Variants in CIMIP2C observed in about 807,000 individuals in gnomAD.
CIMIP2C encodes the protein UPF0573 protein C2orf70.
chr2:26,564,210 T>C, the CIMIP2C span, among the ~76,000 whole-genome samples: 4 of 152,216 alleles, frequency 2.6e-5, no homozygotes, highest in Admixed American at 6.5e-5. Flanking sequence ...ATTTTATACA[T>C]TGACTTTTTT....
the CIMIP2C span, among the ~76,000 whole-genome samples, chr2:26,568,268 C>T: frequency 6.6e-6 from 1 of 152,232 alleles, no homozygotes; most frequent in Non-Finnish European, 1.5e-5. Flanking sequence ...GGGCCTCACA[C>T]ACTTAGGGAG....
the CIMIP2C span, among the ~76,000 whole-genome samples, chr2:26,577,198 C>T: frequency 6.6e-6 from 1 of 152,200 alleles, no homozygotes; most frequent in Non-Finnish European, 1.5e-5. Context: ...CCTGTGTGCA[C>T]AGCAGGTGTG....
the CIMIP2C span, among the ~76,000 whole-genome samples, chr2:26,564,259 A>G: frequency 1.4e-4 from 21 of 152,168 alleles, no homozygotes; most frequent in South Asian, 2.7e-3. Context: ...AAAATTTTCT[A>G]TTGTCTGACT....
chr2:26,562,729 C>A, the CIMIP2C span: 1 of 1,509,962 alleles, frequency 6.6e-7, no homozygotes, highest in Non-Finnish European at 9.0e-7. Flanking sequence ...CTTCCACTAG[C>A]GCCCTCCTCG....
chr2:26,579,360 CCAGACCTTCCCAT>C, the CIMIP2C span: 1 of 1,614,060 alleles, frequency 6.2e-7, no homozygotes, highest in Non-Finnish European at 8.5e-7. Flanking sequence ...TGAAGACCTA[CCAGACCTTCCCAT>C]CAGGGAAGAG....
the CIMIP2C span, among the ~76,000 whole-genome samples, chr2:26,563,979 A>C: frequency 6.6e-6 from 1 of 152,222 alleles, no homozygotes; most frequent in East Asian, 1.9e-4. Flanking sequence ...AAGCCAAGCC[A>C]GGTGACTTAG....
chr2:26,575,447 G>C, the CIMIP2C span, among the ~76,000 whole-genome samples: 1 of 152,250 alleles, frequency 6.6e-6, no homozygotes. Context: ...TGGAGGGACA[G>C]TGATTTGCCT....
the CIMIP2C span, chr2:26,579,312 G>C: frequency 6.2e-7 from 1 of 1,613,720 alleles, no homozygotes; most frequent in Non-Finnish European, 8.5e-7. Context: ...TGTGCCCAAA[G>C]AAGAAGTGGC....
the CIMIP2C span, chr2:26,562,807 A>C: frequency 1.2e-6 from 1 of 842,910 alleles, no homozygotes; most frequent in Non-Finnish European, 1.9e-6. Flanking sequence ...CCAATTTTCC[A>C]CCCGACGGGG....
chr2:26,578,625 A>G, the CIMIP2C span: 1 of 375,946 alleles, frequency 2.7e-6, no homozygotes, highest in Non-Finnish European at 5.4e-6. Flanking sequence ...GCTCTCTCTA[A>G]TCTTGGAATG....
the CIMIP2C span, among the ~76,000 whole-genome samples, chr2:26,575,306 C>T: frequency 2.0e-5 from 3 of 152,346 alleles, no homozygotes; most frequent in African/African-American, 4.8e-5. Context: ...TCCCACCCAT[C>T]GCTGTTCACT....
the CIMIP2C span, chr2:26,562,790 C>A: frequency 1.0e-6 from 1 of 1,002,410 alleles, no homozygotes; most frequent in South Asian, 1.4e-5. Flanking sequence ...GAAGGAACCC[C>A]GAGGAGCCAA....
the CIMIP2C span, among the ~76,000 whole-genome samples, chr2:26,572,349 G>GTTTTTTTTT: frequency 7.2e-6 from 1 of 138,658 alleles, no homozygotes; most frequent in Non-Finnish European, 1.6e-5. Flanking sequence ...TACTGAGTTG[G>GTTTTTTTTT]TTTTTTTTTT....
the CIMIP2C span, among the ~76,000 whole-genome samples, chr2:26,571,061 G>A: frequency 1.5e-4 from 23 of 152,166 alleles, no homozygotes; most frequent in East Asian, 3.9e-4. Context: ...AGTCTGTGGC[G>A]TGGTGGCCCA....
At chr2:26,562,656 C>T in the CIMIP2C span, 3 of 1,584,748 alleles carry the variant, frequency 1.9e-6, no homozygotes, top group Non-Finnish European at 2.6e-6. Context: ...GAGTTCAATG[C>T]CGCCTACGTG....
the CIMIP2C span, chr2:26,572,116 A>G: frequency 1.9e-6 from 3 of 1,545,286 alleles, no homozygotes; most frequent in Non-Finnish European, 2.6e-6. Context: ...TCAATTTTAG[A>G]TGCCATGGGT....
the CIMIP2C span, among the ~76,000 whole-genome samples, chr2:26,569,103 C>T: frequency 1.2e-4 from 18 of 151,466 alleles, no homozygotes; most frequent in Non-Finnish European, 2.5e-4. Context: ...TTCCATGGAG[C>T]GGGCAGGCAG....
the CIMIP2C span, among the ~76,000 whole-genome samples, chr2:26,577,123 C>T: frequency 6.6e-6 from 1 of 152,218 alleles, no homozygotes; most frequent in Non-Finnish European, 1.5e-5. Context: ...TGGCGCTCAA[C>T]AGAACATGCC....
chr2:26,579,348 C>T, the CIMIP2C span: 1 of 1,614,130 alleles, frequency 6.2e-7, no homozygotes, highest in African/African-American at 1.3e-5. Context: ...CCCCCGAGAA[C>T]CTGAAGACCT....
Sources: allele counts gnomAD v4.1 joint callset (sites outside exome capture counted in the v4.1 genomes callset), GRCh38; gene constraint gnomAD v4.1.1; transcripts MANE v1.5; gene names NCBI Gene and HGNC (gene_info 2026-07-23, HGNC 2026-07-21).